Variants in USP46 observed in about 807,000 individuals in gnomAD.
USP46 encodes ubiquitin carboxyl-terminal hydrolase 46.
Under a neutral mutation model 44.4 loss-of-function variants are expected in USP46, and 12 were observed. The ratio of observed to expected loss-of-function variants is 0.27; its 90% CI spans 0.17 to 0.44. USP46 has a LOEUF of 0.44. Among genes scored for constraint, USP46 ranks in the 20% least tolerant of loss-of-function variants. USP46 has a pLI of 1.00. For synonymous variants in USP46, 155 were observed against 161.5 expected, an observed-to-expected ratio of 0.96 and a Z score of 0.31; for missense variants, 248 against 444.8, an observed-to-expected ratio of 0.56 and a Z score of 3.98.
intron 5 of USP46, among the ~76,000 whole-genome samples, chr4:52,609,689 G>A (rs1716846719): frequency 6.6e-6 from 1 of 151,914 alleles, no homozygotes; most frequent in African/African-American, 2.4e-5. Flanking sequence ...CAGGGGATGG[G>A]GAGGCACTTC....
chr4:52,623,881 C>T (rs1717477059), intron 4 of USP46, among the ~76,000 whole-genome samples: 2 of 152,078 alleles, frequency 1.3e-5, no homozygotes, highest in South Asian at 4.2e-4. Flanking sequence ...GATCAAGCCA[C>T]TGTACTCCAG....
At chr4:52,648,334 A>G (rs1403486818) in intron 1 of USP46, among the ~76,000 whole-genome samples, 1 of 152,200 alleles carries the variant, frequency 6.6e-6, no homozygotes, top group East Asian at 1.9e-4. Flanking sequence ...GAGGGAGGGG[A>G]GTTACTCTTA....
At position 52,639,761 on chromosome 4, in the gene USP46, A is replaced by G. The variant is rs566831808; in HGVS notation, c.37-8617T>C. Among the ~76,000 whole-genome samples, 8 of 151,992 alleles carry G rather than the reference A, an allele frequency of 5.3e-5. No individual in the cohort carries two copies. In the South Asian group the frequency reaches 8.3e-4, roughly 16 times the overall value. On this transcript the variant is annotated intron_variant, in intron 1 of 8. Transcript: ENST00000441222. ...GCCCAGGCTGGAGTGCAGTGGTGCT[A>G]ACAGGGTTCACTGCAGCGTCAACCT...
rs116390066 is a variant in USP46, at chr4:52,632,422, A to G, written c.37-1278T>C. On this transcript the variant is annotated intron_variant, in intron 1 of 8. Transcript: ENST00000441222. ...AGGCTCCATTTGTACCATGGACTCT[A>G]TCATCATTCTAGAGAAGGCTCTGTC... Among the ~76,000 whole-genome samples the G allele has an allele frequency of 8.0e-3, 1,214 of 152,318 alleles. 19 individuals carry two copies. The highest frequency in any genetic ancestry group is 0.028 in the African/African-American group (1,157 of 41,560).
intron 1 of USP46, among the ~76,000 whole-genome samples, chr4:52,658,499 C>T (rs1026982273): frequency 6.6e-6 from 1 of 152,170 alleles, no homozygotes; most frequent in Non-Finnish European, 1.5e-5. Context: ...CGCCACAGAG[C>T]CTTGTCCCTT....
At chr4:52,623,709 T>G (rs1717468294) in intron 4 of USP46, among the ~76,000 whole-genome samples, 1 of 152,106 alleles carries the variant, frequency 6.6e-6, no homozygotes, top group African/African-American at 2.4e-5. Context: ...GCAGATTACT[T>G]GAGGTCAGGA....
At chr4:52,629,577 T>C (rs754711105) in intron 2 of USP46, 15 of 456,160 alleles carry the variant, frequency 3.3e-5, no homozygotes, top group South Asian at 1.4e-4. Context: ...CAATGCCCTA[T>C]ATTCCAGGGC....
At chr4:52,622,296 T>C (rs753889306) in intron 4 of USP46, among the ~76,000 whole-genome samples, 2 of 152,228 alleles carry the variant, frequency 1.3e-5, no homozygotes, top group African/African-American at 2.4e-5. Context: ...ATGTGGCCTA[T>C]ATATAAACAT....
intron 1 of USP46, among the ~76,000 whole-genome samples, chr4:52,642,070 A>T (rs985438537): frequency 6.6e-6 from 1 of 152,230 alleles, no homozygotes; most frequent in African/African-American, 2.4e-5. Flanking sequence ...GATGACAAAG[A>T]TCATTCCTAT....
chr4:52,650,583 C>T (rs534272132), intron 1 of USP46, among the ~76,000 whole-genome samples: 1 of 152,080 alleles, frequency 6.6e-6, no homozygotes, highest in Non-Finnish European at 1.5e-5. Flanking sequence ...ATAAAAGTAA[C>T]CAAATATGGC....
In USP46 at chr4:52,593,369, G is replaced by C. The variant is rs767378022; in HGVS notation, c.*4271C>G. 1.9e-5 allele frequency: 3 copies of C among 156,262 alleles called. No homozygotes were observed. The highest frequency in any genetic ancestry group is 4.2e-5 in the Non-Finnish European group (3 of 70,716). 9.7% of individuals were successfully genotyped at this position (156,262 alleles called of 1,614,324 possible). A position where few individuals can be genotyped will look rare whatever the true frequency, so the allele number is the denominator to read the frequency against. Reference sequence around the variant, plus strand: ...GACCTTCCCAACAGTCTCTGTTCCAGCTCAGTCAGGTTCAACTGCACTGCC... The same window carrying C: ...GACCTTCCCAACAGTCTCTGTTCCACCTCAGTCAGGTTCAACTGCACTGCC... On this transcript the variant is annotated 3_prime_UTR_variant, in exon 9 of 9. Transcript: ENST00000441222.
chr4:52,649,581 C>T (rs1335447894), intron 1 of USP46, among the ~76,000 whole-genome samples: 2 of 152,196 alleles, frequency 1.3e-5, no homozygotes, highest in Non-Finnish European at 2.9e-5. Context: ...CTCCGCCCTG[C>T]CCCAGACGTG....
intron 8 of USP46, among the ~76,000 whole-genome samples, chr4:52,598,183 A>G (rs1716318261): frequency 6.6e-6 from 1 of 152,252 alleles, no homozygotes; most frequent in African/African-American, 2.4e-5. Flanking sequence ...AAATCAATAC[A>G]TAGAATGTAT....
intron 1 of USP46, among the ~76,000 whole-genome samples, chr4:52,653,046 A>G (rs928153714): frequency 1.3e-5 from 2 of 152,206 alleles, no homozygotes; most frequent in African/African-American, 4.8e-5. Flanking sequence ...TCCCATCACC[A>G]TGATCTTAAA....
intron 1 of USP46, chr4:52,656,604 T>C (rs1577704432): frequency 7.9e-7 from 1 of 1,265,952 alleles, no homozygotes; most frequent in Non-Finnish European, 1.0e-6. Context: ...AGAAAGATGA[T>C]GTTGACAATG....
chr4:52,657,846 A>T (rs930452035), intron 1 of USP46, among the ~76,000 whole-genome samples: 1 of 152,206 alleles, frequency 6.6e-6, no homozygotes, highest in African/African-American at 2.4e-5. Context: ...CTGAAAGCTG[A>T]AGCCAGCGGG....
intron 1 of USP46, 107 bp from the exon 2 acceptor site, chr4:52,631,251 C>G: frequency 1.2e-6 from 1 of 814,508 alleles, no homozygotes; most frequent in Non-Finnish European, 1.9e-6. Flanking sequence ...CTGGTCAACA[C>G]GGTATTTGTT....
chr4:52,613,446 G>A (rs914869307), intron 4 of USP46, among the ~76,000 whole-genome samples: 22 of 152,108 alleles, frequency 1.4e-4, no homozygotes, highest in Non-Finnish European at 2.4e-4. Flanking sequence ...GAATCCGGCC[G>A]GGTGTGGTGA....
In USP46 at chr4:52,626,015, T is replaced by C; in HGVS notation, c.561+3A>G. The C allele has an allele frequency of 1.9e-6, 3 of 1,612,994 alleles. No individual in the cohort carries two copies. The highest frequency in any genetic ancestry group is 2.5e-6 in the Non-Finnish European group (3 of 1,179,516). On this transcript the variant is annotated splice_donor_region_variant and intron_variant, in intron 4 of 8. Transcript: ENST00000441222. ...GCTACATAAGAGCTCCCCTAGTACT[T>C]ACAGTTTCACAGTTCAAGCATCGAG... is the stretch of plus-strand genomic sequence containing the variant.
Sources: allele counts gnomAD v4.1 joint callset (sites outside exome capture counted in the v4.1 genomes callset), GRCh38; gene constraint gnomAD v4.1.1; transcripts MANE v1.5; gene names NCBI Gene and HGNC (gene_info 2026-07-23, HGNC 2026-07-21).